Variants in WNT8A observed in about 807,000 individuals in gnomAD.
The protein encoded by WNT8A is Wnt family member 8A, also known as protein Wnt-8a.
In WNT8A, 14 loss-of-function variants were observed where a neutral mutation model predicts 20.5. That is an observed-to-expected ratio of 0.68 (90% confidence interval 0.45 to 1.07). WNT8A has a LOEUF of 1.07. Ranked by LOEUF, WNT8A falls within the 50% of genes least tolerant of loss-of-function variation. The probability of loss-of-function intolerance (pLI) is 0.00; values close to 1 mark genes in which losing one functional copy is unlikely to be tolerated. For missense variants in WNT8A, 397 were observed against 462.9 expected (o/e 0.86, Z 1.31); for synonymous variants, 167 against 169.2 (o/e 0.99, Z 0.10).
At chr5:138,080,881 A>G (rs1216794406), upstream of WNT8A, among the ~76,000 whole-genome samples, 2 of 152,146 alleles carry the variant, frequency 1.3e-5, no homozygotes, top group Non-Finnish European at 2.9e-5. Flanking sequence ...AGGTCACACA[A>G]CAAGCCCAGG....
At chr5:138,081,911 C>A (rs1426850861), upstream of WNT8A, among the ~76,000 whole-genome samples, 1 of 152,156 alleles carries the variant, frequency 6.6e-6, no homozygotes, top group African/African-American at 2.4e-5. Context: ...TGCAGACCGA[C>A]GCCAAGCCTG....
rs1212272999 is a variant in WNT8A at position 138,084,578 on chromosome 5, AC to A, written c.238del (p.Arg80AlafsTer17). ...AGTGCAAGTTCCAGTTTGCTTGGGA[AC>A]GCTGGAACTGCCCTGAAAATGCTCT... ...EECKFQFAWE[R>X]WNCPENALQL... On this transcript the variant is annotated frameshift_variant, in exon 2 of 5. Transcript: ENST00000506684. LOFTEE classifies it high-confidence loss of function. 1 of 1,613,766 alleles carries A rather than the reference AC, an allele frequency of 6.2e-7. No individual in the cohort carries two copies. The highest frequency in any genetic ancestry group is 8.5e-7 in the Non-Finnish European group (1 of 1,179,848).
intron 4 of WNT8A, among the ~76,000 whole-genome samples, chr5:138,090,007 C>T (rs569635163): frequency 2.0e-5 from 3 of 152,246 alleles, no homozygotes; most frequent in African/African-American, 7.2e-5. Context: ...AATTCATTGC[C>T]TTGGGGGTAT....
At chr5:138,081,600 G>C (rs1028383862), upstream of WNT8A, among the ~76,000 whole-genome samples, 1 of 152,138 alleles carries the variant, frequency 6.6e-6, no homozygotes, top group African/African-American at 2.4e-5. Flanking sequence ...AGGCCGCTGA[G>C]GCTAACTCAG....
Position 138,084,507 on chromosome 5 carries a change from AC to A in WNT8A, c.168del (p.Tyr57ThrfsTer40), listed in dbSNP as rs894752657. 2.5e-6 allele frequency: 4 copies of A among 1,608,700 alleles called. No individual in the cohort carries two copies. In the African/African-American group the frequency reaches 5.4e-5, roughly 22 times the overall value. ...CTTTTCCCTTTGCCAGGCCTATCTG[AC>A]CTACACGACTAGTGTGGCCTTGGGT... ...FLITGPKAYL[T>X]YTTSVALGAQ... On this transcript the variant is annotated frameshift_variant, in exon 2 of 5. Coordinates refer to ENST00000506684, the MANE Select transcript of WNT8A (RefSeq NM_001300939.2). LOFTEE classifies it high-confidence loss of function.
Position 138,084,073 on chromosome 5 carries a change from C to T in WNT8A, c.-55C>T. On this transcript the variant is annotated 5_prime_UTR_variant, in exon 1 of 5. Transcript: ENST00000506684. ...TTGGCCCTGAGCTGGACCTGGTCCA[C>T]TGGGGTAGGCAGGGCGATGGGGAAC... is the stretch of plus-strand genomic sequence containing the variant. 5 of 1,608,412 alleles carry T rather than the reference C, an allele frequency of 3.1e-6. No homozygotes were observed. The South Asian group carries it at 5.5e-5, about 18-fold the overall frequency.
At chr5:138,081,047 C>T (rs1750498453), upstream of WNT8A, among the ~76,000 whole-genome samples, 2 of 152,038 alleles carry the variant, frequency 1.3e-5, no homozygotes, top group Admixed American at 1.3e-4. Flanking sequence ...CGAGACCATC[C>T]TGGCGAACAC....
rs1467163654 is a variant in WNT8A at position 138,084,064 on chromosome 5, C to T, written c.-64C>T. ...TCTCTGGACTTGGCCCTGAGCTGGACCTGGTCCACTGGGGTAGGCAGGGCG... is the reference window on the plus strand; with the variant it reads ...TCTCTGGACTTGGCCCTGAGCTGGATCTGGTCCACTGGGGTAGGCAGGGCG... On this transcript the variant is annotated 5_prime_UTR_variant, in exon 1 of 5. Coordinates refer to ENST00000506684, the MANE Select transcript of WNT8A (RefSeq NM_001300939.2). 3 of 1,606,062 alleles carry T rather than the reference C, an allele frequency of 1.9e-6. No individual in the cohort carries two copies. Among genetic ancestry groups the T allele is most frequent in the Non-Finnish European group, 2.6e-6 (3 of 1,174,468 alleles).
At position 138,084,525 on chromosome 5, in the gene WNT8A, G is replaced by A; in HGVS notation, c.184G>A (p.Ala62Thr). The A allele has an allele frequency of 6.2e-7, 1 of 1,613,074 alleles. No homozygotes were observed. The highest frequency in any genetic ancestry group is 1.1e-5 in the South Asian group (1 of 90,870). The change falls in exon 2 of 5, where the codon GCC (alanine) becomes ACC (threonine). Residue 62 changes from alanine to threonine, a missense_variant. Coordinates refer to ENST00000506684, the MANE Select transcript of WNT8A (RefSeq NM_001300939.2). ...KAYLTYTTSV[A>T]LGAQSGIEEC... ...CTATCTGACCTACACGACTAGTGTG[G>A]CCTTGGGTGCCCAGAGTGGCATCGA...
rs372867273 is a variant in WNT8A, at chr5:138,089,041, A to C, written c.536A>C (p.Asn179Thr). 44 of 1,613,592 alleles carry C rather than the reference A, an allele frequency of 2.7e-5. No individual in the cohort carries two copies. The African/African-American group carries it at 5.7e-4, about 21-fold the overall frequency. The change falls in exon 4 of 5, where the codon AAT becomes ACT. Residue 179 changes from asparagine (N) to threonine (T), a missense_variant. Physicochemically the swap from Asn to Thr is moderately conservative, Grantham distance 65. Transcript: ENST00000506684. ...GGGAAGGATGCCAGAGCCCTGATGA[A>C]TCTTCACAACAACAGGGCCGGCAGA... Reference protein sequence around the residue: ...EKGKDARALMNLHNNRAGRLA... With the variant: ...EKGKDARALMTLHNNRAGRLA...
chr5:138,084,601 C>T lies in WNT8A; in HGVS notation c.260C>T (p.Ala87Val). Reference protein sequence around the residue: ...AWERWNCPENALQLSTHNRLR... With the variant: ...AWERWNCPENVLQLSTHNRLR... The stretch of plus-strand genomic sequence containing the variant: ...GAACGCTGGAACTGCCCTGAAAATG[C>T]TCTTCAGCTCTCCACCCACAACAGG... Residue 87 changes from alanine to valine, a missense_variant, in exon 2 of 5, where the codon GCT (alanine) becomes GTT (valine). Coordinates refer to ENST00000506684, the MANE Select transcript of WNT8A (RefSeq NM_001300939.2). 3 of 1,612,734 alleles carry T rather than the reference C, an allele frequency of 1.9e-6. No homozygotes were observed. The highest frequency in any genetic ancestry group is 1.1e-5 in the South Asian group (1 of 90,778).
chr5:138,080,448 T>TG (rs1750476029), upstream of WNT8A, among the ~76,000 whole-genome samples: 2 of 94,950 alleles, frequency 2.1e-5, no homozygotes, highest in African/African-American at 7.8e-5. Flanking sequence ...AATCTTGTTT[T>TG]TTTTTTTTTT....
At chr5:138,080,115 G>A (rs1247114077), upstream of WNT8A, among the ~76,000 whole-genome samples, 2 of 151,906 alleles carry the variant, frequency 1.3e-5, no homozygotes, top group African/African-American at 4.8e-5. Context: ...TTGAAGCCAG[G>A]AGTTTGAGAC....
chr5:138,078,828 G>C, the WNT8A span, among the ~76,000 whole-genome samples: 1 of 152,116 alleles, frequency 6.6e-6, no homozygotes, highest in East Asian at 1.9e-4. Flanking sequence ...GGCACAGCTA[G>C]GGTGACGTTG....
In WNT8A at chr5:138,090,629, G is replaced by A. The variant is rs577146764; in HGVS notation, c.666G>A (p.Met222Ile). 2.5e-6 allele frequency: 4 copies of A among 1,614,204 alleles called. No homozygotes were observed. The Admixed American group carries it at 6.7e-5, about 27-fold the overall frequency. ...TGCAGCTGGCTGAATTCCGGGAGAT[G>A]GGAGACTACCTAAAGGCCAAGTATG... ...CWLQLAEFREMGDYLKAKYDQ... is the reference protein window; with the variant it reads ...CWLQLAEFREIGDYLKAKYDQ... Residue 222 changes from methionine (M) to isoleucine (I), a missense_variant, in exon 5 of 5, where the codon ATG becomes ATA. By Grantham distance (10) the Met-to-Ile change is conservative. Coordinates refer to ENST00000506684, the MANE Select transcript of WNT8A (RefSeq NM_001300939.2).
At chr5:138,089,163 A>G in intron 4 of WNT8A, 94 bp downstream of exon 4, 1 of 1,500,052 alleles carries the variant, frequency 6.7e-7, no homozygotes, top group Non-Finnish European at 8.9e-7. Flanking sequence ...TTCTTTCCTC[A>G]TACTACCCAG....
chr5:138,091,456 C>G lies in WNT8A; in HGVS notation c.*383C>G, dbSNP rs771460803. The G allele has an allele frequency of 4.4e-6, 6 of 1,356,156 alleles. No homozygotes were observed. The highest frequency in any genetic ancestry group is 2.9e-5 in the African/African-American group (2 of 67,916). The allele number at this position is 1,356,156 out of a possible 1,614,324, so 84.0% of individuals were successfully genotyped here. ...CCAACCCAGCTGTGCTGCTGGGAATCAGGAGAATAGAAGCAAAAAACGAAA... is the reference window on the plus strand; with the variant it reads ...CCAACCCAGCTGTGCTGCTGGGAATGAGGAGAATAGAAGCAAAAAACGAAA... On this transcript the variant is annotated 3_prime_UTR_variant, in exon 5 of 5. Coordinates refer to ENST00000506684, the MANE Select transcript of WNT8A (RefSeq NM_001300939.2).
chr5:138,087,794 C>G lies in WNT8A; in HGVS notation c.296-12C>G. On this transcript the variant is annotated splice_polypyrimidine_tract_variant and intron_variant, in intron 2 of 4. Coordinates refer to ENST00000506684, the MANE Select transcript of WNT8A (RefSeq NM_001300939.2). ...TCCAGGTTTCCAGTCAGTTCCCTCT[C>G]TCTCTCCAAAGCTACCAGAGAGACT... 3 of 1,611,250 alleles carry G rather than the reference C, an allele frequency of 1.9e-6. No individual in the cohort carries two copies. Among genetic ancestry groups the G allele is most frequent in the Non-Finnish European group, 1.7e-6 (2 of 1,178,294 alleles).
the WNT8A span, among the ~76,000 whole-genome samples, chr5:138,077,974 A>G: frequency 6.6e-6 from 1 of 151,980 alleles, no homozygotes; most frequent in African/African-American, 2.4e-5. Flanking sequence ...CATCCAACAG[A>G]CCACCAACTG....
Sources: allele counts gnomAD v4.1 joint callset (sites outside exome capture counted in the v4.1 genomes callset), GRCh38; gene constraint gnomAD v4.1.1; transcripts MANE v1.5; gene names NCBI Gene and HGNC (gene_info 2026-07-23, HGNC 2026-07-21).